CSGALNACT1: variants seen among roughly 807,000 people sequenced by gnomAD.
The protein encoded by CSGALNACT1 is chondroitin sulfate N-acetylgalactosaminyltransferase 1, also known as beta4GalNAcT-1.
CSGALNACT1 carries 52 observed loss-of-function variants against 51.0 expected under a neutral mutation model. That is an observed-to-expected ratio of 1.02 (90% confidence interval 0.82 to 1.29). CSGALNACT1 has a LOEUF of 1.29. Ranked by LOEUF, CSGALNACT1 falls within the 50% of genes most tolerant of loss-of-function variation. The pLI is 0.00. For synonymous variants in CSGALNACT1, 341 were observed against 254.4 expected, an observed-to-expected ratio of 1.34 and a Z score of -3.24; for missense variants, 935 against 679.2, an observed-to-expected ratio of 1.38 and a Z score of -4.19.
At chr8:19,680,808 T>A (rs11993323) in intron 1 of CSGALNACT1, among the ~76,000 whole-genome samples, 4 of 151,962 alleles carry the variant, frequency 2.6e-5, no homozygotes, top group African/African-American at 9.7e-5. Flanking sequence ...TATTTATGTA[T>A]ATGTTTTCAC....
At chr8:19,576,703 T>C (rs1450249456) in intron 3 of CSGALNACT1, among the ~76,000 whole-genome samples, 1 of 152,002 alleles carries the variant, frequency 6.6e-6, no homozygotes. Context: ...TACCCTGCTG[T>C]GATATGACAG....
chr8:19,666,951 GAAAGAAAGAAA>G (rs2059322880), intron 1 of CSGALNACT1, among the ~76,000 whole-genome samples: 1 of 14,262 alleles, frequency 7.0e-5, no homozygotes, highest in African/African-American at 3.9e-4. Flanking sequence ...GAAAAAGAAA[GAAAGAAAGAAA>G]GAAAGAAAGA....
At chr8:19,683,258 T>A (rs934102482), upstream of CSGALNACT1, 1 of 152,216 alleles carries the variant, frequency 6.6e-6, no homozygotes, top group Non-Finnish European at 1.5e-5. Flanking sequence ...TCAACCACGA[T>A]CACTGTGATT....
At chr8:19,739,458 T>G (rs1005437618) in intron 1 of CSGALNACT1, among the ~76,000 whole-genome samples, 3 of 152,152 alleles carry the variant, frequency 2.0e-5, no homozygotes. Flanking sequence ...ACCACATGAC[T>G]GCCACTGCCA....
chr8:19,510,657 T>C (rs574021237), intron 3 of CSGALNACT1, among the ~76,000 whole-genome samples: 7 of 152,286 alleles, frequency 4.6e-5, no homozygotes, highest in African/African-American at 1.7e-4. Flanking sequence ...AAAGTGTTAA[T>C]GTCATGTTCC....
At chr8:19,729,284 G>T (rs2154244409) in intron 1 of CSGALNACT1, among the ~76,000 whole-genome samples, 2 of 152,290 alleles carry the variant, frequency 1.3e-5, no homozygotes, top group Admixed American at 1.3e-4. Context: ...TTATTCATTT[G>T]TTTGTTTGCT....
intron 3 of CSGALNACT1, among the ~76,000 whole-genome samples, chr8:19,517,966 T>A (rs954063115): frequency 6.6e-6 from 1 of 152,188 alleles, no homozygotes; most frequent in East Asian, 1.9e-4. Context: ...AACATTCTTC[T>A]GTGCAGGCAG....
intron 3 of CSGALNACT1, among the ~76,000 whole-genome samples, chr8:19,533,287 T>A (rs1345366516): frequency 1.3e-5 from 2 of 151,738 alleles, no homozygotes; most frequent in African/African-American, 4.9e-5. Flanking sequence ...TAGCTAATTT[T>A]TTTATTTTTA....
chr8:19,696,853 C>T (rs868023922), intron 1 of CSGALNACT1, among the ~76,000 whole-genome samples: 1 of 152,152 alleles, frequency 6.6e-6, no homozygotes, highest in Non-Finnish European at 1.5e-5. Context: ...GAATCTTAAA[C>T]GCTGAGTGGG....
intron 3 of CSGALNACT1, among the ~76,000 whole-genome samples, chr8:19,583,487 G>C (rs1288785348): frequency 2.0e-5 from 3 of 152,036 alleles, no homozygotes; most frequent in Non-Finnish European, 4.4e-5. Context: ...CCTATATATA[G>C]TACCAGATCA....
At chr8:19,608,517 A>G (rs1316817423) in intron 1 of CSGALNACT1, among the ~76,000 whole-genome samples, 1 of 152,220 alleles carries the variant, frequency 6.6e-6, no homozygotes, top group Non-Finnish European at 1.5e-5. Context: ...ATAAACATCT[A>G]TGTGCTACTA....
intron 9 of CSGALNACT1, among the ~76,000 whole-genome samples, chr8:19,407,248 C>G (rs1410293752): frequency 1.3e-5 from 2 of 151,954 alleles, no homozygotes; most frequent in African/African-American, 4.8e-5. Flanking sequence ...CCTTGTAGTT[C>G]ATGTCATCTC....
At chr8:19,716,784 T>C (rs1180285261) in intron 1 of CSGALNACT1, among the ~76,000 whole-genome samples, 9 of 150,312 alleles carry the variant, frequency 6.0e-5, no homozygotes, top group Admixed American at 3.3e-4. Context: ...GGAGTGAGAC[T>C]TTTTCTCAAA....
At chr8:19,443,301 G>A (rs2061615406) in intron 5 of CSGALNACT1, among the ~76,000 whole-genome samples, 1 of 152,270 alleles carries the variant, frequency 6.6e-6, no homozygotes, top group East Asian at 1.9e-4. Flanking sequence ...TGTATGTGTA[G>A]ATATGTAAAT....
intron 1 of CSGALNACT1, among the ~76,000 whole-genome samples, chr8:19,615,072 G>A (rs1302292415): frequency 6.6e-6 from 1 of 152,208 alleles, no homozygotes; most frequent in East Asian, 1.9e-4. Context: ...CACTTTGGGA[G>A]GTCGAATGGG....
chr8:19,513,794 G>C (rs1413155653), intron 3 of CSGALNACT1, among the ~76,000 whole-genome samples: 1 of 151,864 alleles, frequency 6.6e-6, no homozygotes, highest in African/African-American at 2.4e-5. Flanking sequence ...GTAACACTAT[G>C]GTATTTGTGT....
At chr8:19,466,895 C>A (rs558547592) in intron 4 of CSGALNACT1, among the ~76,000 whole-genome samples, 1 of 152,300 alleles carries the variant, frequency 6.6e-6, no homozygotes, top group African/African-American at 2.4e-5. Flanking sequence ...CTGAAAGTTT[C>A]TTTTACCTGA....
intron 1 of CSGALNACT1, among the ~76,000 whole-genome samples, chr8:19,611,288 T>C (rs189670719): frequency 1.4e-4 from 22 of 152,290 alleles, no homozygotes; most frequent in African/African-American, 5.3e-4. Flanking sequence ...TCCTCCAAAA[T>C]ATATAATTCT....
intron 1 of CSGALNACT1, among the ~76,000 whole-genome samples, chr8:19,716,612 C>CAAAAAAAAAA (rs60464594): frequency 1.9e-4 from 8 of 41,990 alleles, no homozygotes; most frequent in Non-Finnish European, 2.9e-4. Context: ...ACCCTCTCTA[C>CAAAAAAAAAA]AAAAAAAAAA....
Sources: gnomAD v4.1 joint callset for allele counts (sites outside exome capture counted in the v4.1 genomes callset) on GRCh38, gnomAD v4.1.1 for gene constraint, MANE v1.5 for transcripts, NCBI Gene and HGNC (gene_info 2026-07-23, HGNC 2026-07-21) for gene names.